The following TDRD6 variants were observed in gnomAD, a reference collection of about 807,000 sequenced individuals.
The protein encoded by TDRD6 is tudor domain-containing protein 6.
A neutral mutation model predicts 157.5 loss-of-function variants in TDRD6; 186 were observed. The observed-to-expected ratio is 1.18, with a 90% CI of 1.05 to 1.33. The LOEUF (loss-of-function observed/expected upper bound fraction) is 1.33. Ranked by LOEUF, TDRD6 falls within the 40% of genes most tolerant of loss-of-function variation. The pLI, the probability that TDRD6 is intolerant of heterozygous loss-of-function variation, is 0.00. For synonymous variants in TDRD6, 1,075 were observed against 945.2 expected (o/e 1.14, Z -2.52); for missense variants, 3,066 against 2,508.0 (o/e 1.22, Z -4.75).
rs1764464830 is a variant in TDRD6 at position 46,695,425 on chromosome 6, C to T, written c.6047-396C>T. Among the ~76,000 whole-genome samples, 2 of 152,192 alleles carry T rather than the reference C, an allele frequency of 1.3e-5. 1 individual carries two copies. Among genetic ancestry groups the T allele is most frequent in the Non-Finnish European group, 2.9e-5 (2 of 67,978 alleles). ...GCATTAGATATTTATTCCTCATTGTCATATTTAATAATAGTATTAACTCTG... is the reference window on the plus strand; with the variant it reads ...GCATTAGATATTTATTCCTCATTGTTATATTTAATAATAGTATTAACTCTG... On this transcript the variant is annotated intron_variant, in intron 1 of 3. Transcript: ENST00000316081.
upstream of TDRD6, among the ~76,000 whole-genome samples, chr6:46,684,707 G>A (rs1209473210): frequency 1.3e-5 from 2 of 151,982 alleles, no homozygotes; most frequent in Non-Finnish European, 2.9e-5. Flanking sequence ...TTATTGCTGT[G>A]TAGGACCCTT....
chr6:46,697,912 T>C, intron 2 of TDRD6, 86 bp from the exon 3 acceptor site: 1 of 685,274 alleles, frequency 1.5e-6, no homozygotes, highest in Non-Finnish European at 2.4e-6. Context: ...AATAATAGTA[T>C]TTCATTTTTA....
chr6:46,682,791 T>A, the TDRD6 span, among the ~76,000 whole-genome samples: 1 of 151,906 alleles, frequency 6.6e-6, no homozygotes, highest in Admixed American at 6.5e-5. Flanking sequence ...ACAAGATTTG[T>A]TCACTGAAAA....
chr6:46,689,980 T>TC lies in TDRD6; in HGVS notation c.1854dup (p.Phe619LeufsTer3). On this transcript the variant is annotated frameshift_variant, in exon 1 of 4. Coordinates refer to ENST00000316081, the MANE Select transcript of TDRD6 (RefSeq NM_001010870.3). LOFTEE classifies it high-confidence loss of function. ...AAAAACTTGGAGCCAGGAGGCAGTT[T>TC]CCTTTTTTAAAAAGACTGTGCTCCA... 1 of 1,613,464 alleles carries TC rather than the reference T, an allele frequency of 6.2e-7. No individual in the cohort carries two copies. Among genetic ancestry groups the TC allele is most frequent in the Non-Finnish European group, 8.5e-7 (1 of 1,179,728 alleles).
At chr6:46,698,908 G>A (rs1039016126) in intron 3 of TDRD6, among the ~76,000 whole-genome samples, 4 of 152,180 alleles carry the variant, frequency 2.6e-5, no homozygotes, top group Admixed American at 2.6e-4. Flanking sequence ...TCCTTCTGTG[G>A]TTGGTGATTG....
Position 46,691,582 on chromosome 6 carries a change from A to G in TDRD6, c.3454A>G (p.Ile1152Val). Residue 1152 changes from isoleucine to valine, a missense_variant, in exon 1 of 4, where the codon ATT becomes GTT. Transcript: ENST00000316081. ...YGDNIQISAS[I>V]NKKLGLLSYK... Reference sequence around the variant, plus strand: ...TGACAATATTCAAATTAGTGCTAGTATTAATAAGAAGTTGGGGCTACTTAG... The same window carrying G: ...TGACAATATTCAAATTAGTGCTAGTGTTAATAAGAAGTTGGGGCTACTTAG... 3.1e-6 allele frequency: 5 copies of G among 1,613,546 alleles called. No individual in the cohort carries two copies. The highest frequency in any genetic ancestry group is 4.2e-6 in the Non-Finnish European group (5 of 1,179,700).
Position 46,689,792 on chromosome 6 carries a change from C to T in TDRD6, c.1664C>T (p.Ala555Val), listed in dbSNP as rs767176010. The change falls in exon 1 of 4, where the codon GCC (alanine) becomes GTC (valine). Residue 555 changes from alanine (A) to valine (V), a missense_variant. Coordinates refer to ENST00000316081, the MANE Select transcript of TDRD6 (RefSeq NM_001010870.3). The part of the protein sequence containing the change: ...VKWKENGYYR[A>V]IVTKLDDKSV... ...TGGAAAGAAAATGGTTATTATAGGG[C>T]CATAGTCACCAAATTGGATGACAAG... The T allele has an allele frequency of 8.1e-6, 13 of 1,613,984 alleles. No individual in the cohort carries two copies. The highest frequency in any genetic ancestry group is 2.7e-5 in the African/African-American group (2 of 74,866).
chr6:46,690,070 G>T lies in TDRD6; in HGVS notation c.1942G>T (p.Glu648Ter), dbSNP rs781290826. 8 of 1,613,984 alleles carry T rather than the reference G, an allele frequency of 5.0e-6. No homozygotes were observed. Among genetic ancestry groups the T allele is most frequent in the Non-Finnish European group, 6.8e-6 (8 of 1,179,960 alleles). ...DHQYVIEILDESRTGEENISK... is the reference protein window; with the variant it reads ...DHQYVIEILD ...TCAATATGTTATTGAGATTCTTGAC[G>T]AATCAAGAACAGGGGAAGAAAACAT... Residue 648 changes from glutamate (E) to a stop codon, truncating the protein, a stop_gained, in exon 1 of 4, where the codon GAA becomes TAA. Coordinates refer to ENST00000316081, the MANE Select transcript of TDRD6 (RefSeq NM_001010870.3). LOFTEE classifies it high-confidence loss of function.
At position 46,691,902 on chromosome 6, in the gene TDRD6, A is replaced by G. The variant is rs2150679462; in HGVS notation, c.3774A>G (p.Lys1258=). The G allele has an allele frequency of 1.3e-6, 2 of 1,594,816 alleles. No homozygotes were observed. Among genetic ancestry groups the G allele is most frequent in the South Asian group, 1.1e-5 (1 of 87,256 alleles). The change falls in exon 1 of 4, where the codon AAA becomes AAG. Residue 1258 remains lysine (K), a synonymous_variant. Transcript: ENST00000316081. ...SQVFPLTTEK[K]EEISAETPLK... is the part of the protein sequence containing the mutation. Reference sequence around the variant, plus strand: ...TGTTTCCATTAACAACAGAAAAGAAAGAAGAAATTTCTGCTGAGACACCCT... The same window carrying G: ...TGTTTCCATTAACAACAGAAAAGAAGGAAGAAATTTCTGCTGAGACACCCT...
In TDRD6 at chr6:46,703,974, T is replaced by G. The variant is rs1764690478; in HGVS notation, c.*2087T>G. 1 of 153,816 alleles carries G rather than the reference T, an allele frequency of 6.5e-6. No homozygotes were observed. The allele number at this position is 153,816 out of a possible 1,614,324, so 9.5% of individuals were successfully genotyped here. On this transcript the variant is annotated 3_prime_UTR_variant, in exon 4 of 4. Coordinates refer to ENST00000316081, the MANE Select transcript of TDRD6 (RefSeq NM_001010870.3). ...TATTCTTAACCCTTCTCTACTCCTT[T>G]TAGTCATCATTTGAAATTGTGTAGT...
Position 46,694,108 on chromosome 6 carries a change from TTGTTCTC to T in TDRD6, c.5983_5989del (p.Phe1995ArgfsTer28), listed in dbSNP as rs1764430361. 6.2e-7 allele frequency: 1 copy of T among 1,606,468 alleles called. No individual in the cohort carries two copies. Among genetic ancestry groups the T allele is most frequent in the Admixed American group, 1.7e-5 (1 of 59,432 alleles). On this transcript the variant is annotated frameshift_variant, in exon 1 of 4. Transcript: ENST00000316081. LOFTEE classifies it high-confidence loss of function. ...GGATGCCATTTCGGCATTGATGCCT[TTGTTCTC>T]TGAGGAAGAAAGCAGTGATGGAAGC... is the stretch of plus-strand genomic sequence containing the variant.
Position 46,704,172 on chromosome 6 carries a change from T to A in TDRD6, c.*2285T>A, listed in dbSNP as rs973043340. On this transcript the variant is annotated 3_prime_UTR_variant, in exon 4 of 4. Transcript: ENST00000316081. ...GCAAGAAATTGTTTTTTACTCTATG[T>A]TTAGGGAGTCTTGTATCATTGCAAC... 2.4e-5 allele frequency: 5 copies of A among 206,016 alleles called. No homozygotes were observed. Among genetic ancestry groups the A allele is most frequent in the Non-Finnish European group, 4.0e-5 (4 of 100,480 alleles). 12.8% of individuals were successfully genotyped at this position (206,016 alleles called of 1,614,324 possible). A position where few individuals can be genotyped will look rare whatever the true frequency, so the allele number is the denominator to read the frequency against.
In TDRD6 at chr6:46,689,929, A is replaced by G. The variant is rs755174374; in HGVS notation, c.1801A>G (p.Thr601Ala). ...RQLPILAVKC[T>A]LADIWPLGKT... The stretch of plus-strand genomic sequence containing the variant: ...GCTACCAATATTGGCTGTGAAGTGC[A>G]CCCTGGCTGATATTTGGCCTTTGGG... The change falls in exon 1 of 4, where the codon ACC becomes GCC. Residue 601 changes from threonine to alanine, a missense_variant. Physicochemically the swap from Thr to Ala is moderately conservative, Grantham distance 58. Transcript: ENST00000316081. The G allele has an allele frequency of 5.0e-6, 8 of 1,614,162 alleles. No homozygotes were observed. The highest frequency in any genetic ancestry group is 6.8e-6 in the Non-Finnish European group (8 of 1,180,038).
chr6:46,691,036 G>T lies in TDRD6; in HGVS notation c.2908G>T (p.Val970Phe). The T allele has an allele frequency of 6.2e-7, 1 of 1,613,676 alleles. No individual in the cohort carries two copies. Among genetic ancestry groups the T allele is most frequent in the Non-Finnish European group, 8.5e-7 (1 of 1,179,870 alleles). The change falls in exon 1 of 4, where the codon GTT becomes TTT. Residue 970 changes from valine (V) to phenylalanine (F), a missense_variant. Coordinates refer to ENST00000316081, the MANE Select transcript of TDRD6 (RefSeq NM_001010870.3). ...ACTTCAGAAGCCTTTGGAGTCCTCT[G>T]TTCAGCTACATTCCTACTTCTATTC... is the stretch of plus-strand genomic sequence containing the variant. ...VKLQKPLESS[V>F]QLHSYFYSTH...
rs1252336090 is a variant in TDRD6, at chr6:46,688,778, C to T, written c.650C>T (p.Thr217Ile). 1.2e-6 allele frequency: 2 copies of T among 1,608,542 alleles called. No individual in the cohort carries two copies. Among genetic ancestry groups the T allele is most frequent in the South Asian group, 1.1e-5 (1 of 91,076 alleles). The change falls in exon 1 of 4, where the codon ACT (threonine) becomes ATT (isoleucine). Residue 217 changes from threonine to isoleucine, a missense_variant. Transcript: ENST00000316081. ...CTGGAGCGCTATCTCACAGCGGCCACTGCTAGCGTGGGCTCCGGGGTCCCG... is the reference window on the plus strand; with the variant it reads ...CTGGAGCGCTATCTCACAGCGGCCATTGCTAGCGTGGGCTCCGGGGTCCCG... ...SLLERYLTAA[T>I]ASVGSGVPVL...
chr6:46,682,782 C>T, the TDRD6 span, among the ~76,000 whole-genome samples: 2 of 151,696 alleles, frequency 1.3e-5, no homozygotes, highest in African/African-American at 4.8e-5. Context: ...CAAATGTGTA[C>T]AAGATTTGTT....
chr6:46,691,741 A>G lies in TDRD6; in HGVS notation c.3613A>G (p.Asn1205Asp), dbSNP rs777031160. 5.3e-5 allele frequency: 84 copies of G among 1,592,192 alleles called. No individual in the cohort carries two copies. The highest frequency in any genetic ancestry group is 7.0e-5 in the Non-Finnish European group (82 of 1,174,304). The part of the protein sequence containing the change: ...LSKSVGYKLP[N>D]KEILEESYKP... ...TAAATCAGTAGGGTACAAGTTACCT[A>G]ATAAAGAAATTTTGGAAGAGTCATA... Residue 1205 changes from asparagine (N) to aspartate (D), a missense_variant, in exon 1 of 4, where the codon AAT becomes GAT. Asn to Asp is a conservative substitution (Grantham distance 23, BLOSUM62 1). Transcript: ENST00000316081.
At chr6:46,681,520 CCAA>C in the TDRD6 span, 1 of 470,700 alleles carries the variant, frequency 2.1e-6, no homozygotes, top group East Asian at 7.0e-5. Flanking sequence ...TACTTTACCC[CCAA>C]CAGGCTGCTG....
chr6:46,692,846 C>T lies in TDRD6; in HGVS notation c.4718C>T (p.Pro1573Leu). 6.2e-7 allele frequency: 1 copy of T among 1,614,008 alleles called. No individual in the cohort carries two copies. The highest frequency in any genetic ancestry group is 1.7e-5 in the Admixed American group (1 of 60,010). ...ATCCCATGTCCTTATATTGGAGATC[C>T]TTGTATAGTAAGATACAGAGAAGAT... ...NCIPCPYIGD[P>L]CIVRYREDGH... The change falls in exon 1 of 4, where the codon CCT (proline) becomes CTT (leucine). Residue 1573 changes from proline (P) to leucine (L), a missense_variant. Pro to Leu is a moderately conservative substitution (Grantham distance 98). Transcript: ENST00000316081.
Sources: allele counts gnomAD v4.1 joint callset (sites outside exome capture counted in the v4.1 genomes callset), GRCh38; gene constraint gnomAD v4.1.1; transcripts MANE v1.5; gene names NCBI Gene and HGNC (gene_info 2026-07-23, HGNC 2026-07-21).